The following EVC variants were observed in gnomAD, a reference collection of about 807,000 sequenced individuals.
EVC encodes EvC ciliary complex subunit 1, also known as evC complex member EVC.
EVC carries 116 observed loss-of-function variants against 118.9 expected under a neutral mutation model. The ratio of observed to expected loss-of-function variants is 0.98; its 90% CI spans 0.84 to 1.14. EVC has a LOEUF of 1.14. EVC is among the 50% of genes most tolerant of loss of function. The probability of loss-of-function intolerance (pLI) is 0.00; values close to 1 mark genes in which losing one functional copy is unlikely to be tolerated. For missense variants in EVC, 1,401 were observed against 1,246.4 expected (o/e 1.12, Z -1.87); for synonymous variants, 619 against 534.7 (o/e 1.16, Z -2.18).
At position 5,742,075 on chromosome 4, in the gene EVC, T is replaced by C. The variant is rs1306792786; in HGVS notation, c.801+261T>C. ...AAGACGGTCACTGTTAATGTTTTTT[T>C]CTGCACACATTTGGGATATTTTTAA... On this transcript the variant is annotated intron_variant, in intron 6 of 20. Transcript: ENST00000264956. This position sits in a 1 kb window ranked among gnomAD's most constrained non-coding sequence, Gnocchi z 5.2. 6.6e-6 allele frequency among the ~76,000 whole-genome samples: 1 copy of C among 152,238 alleles called. No individual in the cohort carries two copies. The highest frequency in any genetic ancestry group is 2.4e-5 in the African/African-American group (1 of 41,470).
At chr4:5,752,408 C>T (rs1730519257) in intron 8 of EVC, among the ~76,000 whole-genome samples, 1 of 152,172 alleles carries the variant, frequency 6.6e-6, no homozygotes, top group Non-Finnish European at 1.5e-5. Flanking sequence ...GTCAGGCTCT[C>T]TGGGGCTCTA....
chr4:5,783,522 T>G (rs755095224), intron 11 of EVC, 30 bp from the exon 12 acceptor site: 3 of 1,611,776 alleles, frequency 1.9e-6, no homozygotes, highest in Non-Finnish European at 1.7e-6. Flanking sequence ...TGCCGTGACC[T>G]GTAACCCCAT....
chr4:5,781,579 G>A (rs760648227), intron 11 of EVC, among the ~76,000 whole-genome samples: 15 of 152,156 alleles, frequency 9.9e-5, no homozygotes, highest in Non-Finnish European at 7.3e-5. Context: ...GCCCACACCT[G>A]TAATCCCAGC....
the EVC span, chr4:5,825,930 A>G: frequency 2.0e-6 from 1 of 492,732 alleles, no homozygotes. The surrounding 1 kb of genome is among the most constrained non-coding windows in gnomAD (Gnocchi z 4.4). Flanking sequence ...GCACTCACAT[A>G]CATGCAGTCA....
At chr4:5,783,298 G>A (rs1735911176) in intron 11 of EVC, among the ~76,000 whole-genome samples, 1 of 152,106 alleles carries the variant, frequency 6.6e-6, no homozygotes, top group African/African-American at 2.4e-5. Context: ...ATGAGTACAT[G>A]TGCATGTGTC....
chr4:5,799,439 A>C (rs868729127), intron 15 of EVC, among the ~76,000 whole-genome samples: 1 of 152,156 alleles, frequency 6.6e-6, no homozygotes, highest in Non-Finnish European at 1.5e-5. Flanking sequence ...TCCCGTTGGG[A>C]AAAAGAGGCC....
intron 2 of EVC, among the ~76,000 whole-genome samples, chr4:5,721,070 C>T (rs1187484717): frequency 1.3e-5 from 2 of 152,034 alleles, no homozygotes; most frequent in Non-Finnish European, 2.9e-5. Context: ...TGTGACAGTA[C>T]GTGAGCTTCA....
chr4:5,776,260 A>T (rs1049034800), intron 11 of EVC, among the ~76,000 whole-genome samples: 1 of 152,130 alleles, frequency 6.6e-6, no homozygotes, highest in Non-Finnish European at 1.5e-5. Context: ...ACCTTTTAGC[A>T]TTAGGAAATG....
rs11936142 is a variant in EVC, at chr4:5,773,919, C to A, written c.1564-9633C>A. Reference sequence around the variant, plus strand: ...GGTCCCTGGGGAACATTCTTGGGTCCTGTGATGAGGAACAAAAGTCTCCCA... The same window carrying A: ...GGTCCCTGGGGAACATTCTTGGGTCATGTGATGAGGAACAAAAGTCTCCCA... On this transcript the variant is annotated intron_variant, in intron 11 of 20. Transcript: ENST00000264956. Among the ~76,000 whole-genome samples the A allele has an allele frequency of 2.5e-3, 380 of 152,140 alleles. 2 individuals are homozygous for A. The highest frequency in any genetic ancestry group is 8.2e-3 in the African/African-American group (342 of 41,480).
chr4:5,751,632 C>T (rs556734298), intron 8 of EVC, among the ~76,000 whole-genome samples: 4 of 152,328 alleles, frequency 2.6e-5, no homozygotes, highest in African/African-American at 4.8e-5. Context: ...GGGACGTGGG[C>T]GACTCAGGCC....
rs538474215 is a variant in EVC, at chr4:5,746,479, C to T, written c.939+1138C>T. On this transcript the variant is annotated intron_variant, in intron 7 of 20. Coordinates refer to ENST00000264956, the MANE Select transcript of EVC (RefSeq NM_153717.3). The surrounding 1 kb of genome is among the most constrained non-coding windows in gnomAD (Gnocchi z 5.8). ...CATGGGAGGGAGGGAGCCAATGCTC[C>T]TGTCCTCTGAATAGGTCCAATATTG... Among the ~76,000 whole-genome samples the T allele has an allele frequency of 2.0e-5, 3 of 152,306 alleles. No homozygotes were observed. The East Asian group carries it at 5.8e-4, about 30-fold the overall frequency.
Position 5,731,062 on chromosome 4 carries a change from A to G in EVC, c.385-363A>G, listed in dbSNP as rs567959041. On this transcript the variant is annotated intron_variant, in intron 3 of 20. Transcript: ENST00000264956. The surrounding 1 kb of genome is among the most constrained non-coding windows in gnomAD (Gnocchi z 5.6). ...GGAGGGAGCAGGCCAGGGGGTCAGC[A>G]GCAAGGAGAGAACTGGGTCAGGGCA... Among the ~76,000 whole-genome samples, 18 of 152,154 alleles carry G rather than the reference A, an allele frequency of 1.2e-4. No homozygotes were observed. The highest frequency in any genetic ancestry group is 6.2e-4 in the South Asian group (3 of 4,808).
At chr4:5,779,271 G>T (rs1331667982) in intron 11 of EVC, among the ~76,000 whole-genome samples, 1 of 152,160 alleles carries the variant, frequency 6.6e-6, no homozygotes, top group Non-Finnish European at 1.5e-5. Context: ...AAGTCAGGTA[G>T]CGTGATGCCT....
rs535786526 is a variant in EVC, at chr4:5,738,457, A to T, written c.703-3259A>T. Among the ~76,000 whole-genome samples, 1 of 152,266 alleles carries T rather than the reference A, an allele frequency of 6.6e-6. No individual in the cohort carries two copies. Among genetic ancestry groups the T allele is most frequent in the Admixed American group, 6.5e-5 (1 of 15,296 alleles). On this transcript the variant is annotated intron_variant, in intron 5 of 20. Coordinates refer to ENST00000264956, the MANE Select transcript of EVC (RefSeq NM_153717.3). This position sits in a 1 kb window ranked among gnomAD's most constrained non-coding sequence, Gnocchi z 6.5. ...GCACGCTGCAGAGAAATCTTTTGTG[A>T]AAGGAAGAGTCAGCTGATGTGGCCC...
At chr4:5,758,936 C>T (rs1220648521) in intron 11 of EVC, among the ~76,000 whole-genome samples, 1 of 152,188 alleles carries the variant, frequency 6.6e-6, no homozygotes, top group African/African-American at 2.4e-5. Context: ...GCAGAATAGA[C>T]AGGATGCCCT....
chr4:5,744,396 C>T (rs116886593), intron 6 of EVC, among the ~76,000 whole-genome samples: 35 of 152,254 alleles, frequency 2.3e-4, no homozygotes, highest in East Asian at 1.9e-3. Flanking sequence ...ACACTGTTGG[C>T]TATGTGACAA....
chr4:5,828,532 G>A, the EVC span: 16 of 1,614,114 alleles, frequency 9.9e-6, no homozygotes, highest in East Asian at 6.7e-5. Flanking sequence ...CTCCGGGAAC[G>A]CCTTCCGCGG....
chr4:5,758,199 C>T (rs902663475), intron 11 of EVC: 4 of 696,012 alleles, frequency 5.7e-6, no homozygotes, highest in Admixed American at 4.1e-5. Context: ...CCAGAAGAGC[C>T]CAGGAAGGGC....
chr4:5,726,613 C>T (rs533445006), intron 2 of EVC, among the ~76,000 whole-genome samples: 58 of 141,812 alleles, frequency 4.1e-4, no homozygotes, highest in Non-Finnish European at 6.6e-4. Flanking sequence ...GGTACATGTG[C>T]ACATTGTGCA....
Sources: allele counts gnomAD v4.1 joint callset (sites outside exome capture counted in the v4.1 genomes callset), GRCh38; gene constraint gnomAD v4.1.1; non-coding constraint Gnocchi (gnomAD v3.1); transcripts MANE v1.5; gene names NCBI Gene and HGNC (gene_info 2026-07-23, HGNC 2026-07-21).